KANSL1: variants seen among roughly 807,000 people sequenced by gnomAD.
The protein encoded by KANSL1 is KAT8 regulatory NSL complex subunit 1.
In KANSL1, 22 loss-of-function variants were observed where a neutral mutation model predicts 103.6. The observed-to-expected ratio is 0.21, with a 90% CI of 0.15 to 0.30. The LOEUF is 0.30. KANSL1 is among the 10% of genes least tolerant of loss of function. The pLI is 1.00. For missense variants in KANSL1, 1,337 were observed against 1,399.8 expected (o/e 0.96, Z 0.72); for synonymous variants, 600 against 527.6 (o/e 1.14, Z -1.88).
intron 2 of KANSL1, among the ~76,000 whole-genome samples, chr17:46,136,380 T>C (rs913347013): frequency 6.6e-6 from 1 of 152,240 alleles, no homozygotes; most frequent in African/African-American, 2.4e-5. Context: ...CATGCACATG[T>C]TCACATACCC....
At chr17:46,039,980 CCTGA>C in intron 7 of KANSL1, 96 bp from the exon 8 acceptor site, 10 of 1,133,804 alleles carry the variant, frequency 8.8e-6, no homozygotes, top group Non-Finnish European at 1.2e-5. Context: ...TGCCCAGTGG[CCTGA>C]CACTTGGCAG....
At chr17:46,219,699 C>T (rs1466768069) in intron 1 of KANSL1, among the ~76,000 whole-genome samples, 1 of 152,242 alleles carries the variant, frequency 6.6e-6, no homozygotes, top group Admixed American at 6.5e-5. Context: ...CTTTGCAGTT[C>T]AATACTAGAA....
At chr17:46,128,916 C>CTT (rs1202677825) in intron 2 of KANSL1, among the ~76,000 whole-genome samples, 1 of 152,200 alleles carries the variant, frequency 6.6e-6, no homozygotes, top group East Asian at 1.9e-4. Context: ...TGACCAGTAA[C>CTT]TTCAGAAGCA....
At chr17:46,073,129 A>T (rs1377272369) in intron 4 of KANSL1, among the ~76,000 whole-genome samples, 2 of 152,222 alleles carry the variant, frequency 1.3e-5, no homozygotes, top group African/African-American at 4.8e-5. Flanking sequence ...GCAAAACTTC[A>T]AAGAAAGGAA....
At chr17:46,142,323 A>C (rs926904802) in intron 2 of KANSL1, among the ~76,000 whole-genome samples, 2 of 152,236 alleles carry the variant, frequency 1.3e-5, no homozygotes, top group African/African-American at 4.8e-5. Flanking sequence ...AATCATAAAA[A>C]CATTACAACA....
At chr17:46,037,441 T>C (rs1359361897) in intron 10 of KANSL1, 4 of 152,178 alleles carry the variant, frequency 2.6e-5, no homozygotes, top group African/African-American at 9.7e-5. Flanking sequence ...GCCTAGTGAG[T>C]CCATTTTATG....
upstream of KANSL1, among the ~76,000 whole-genome samples, chr17:46,194,509 G>C (rs948478085): frequency 8.5e-5 from 13 of 152,160 alleles, no homozygotes; most frequent in Admixed American, 8.5e-4. Context: ...TAGACTTAAA[G>C]AATTCATAAA....
intron 4 of KANSL1, among the ~76,000 whole-genome samples, chr17:46,070,652 GAA>G (rs900084197): frequency 5.3e-5 from 8 of 152,088 alleles, no homozygotes; most frequent in African/African-American, 1.9e-4. Flanking sequence ...TGGTTTAGAT[GAA>G]AAAGTTTCCT....
intron 10 of KANSL1, 46 bp from the exon 11 acceptor site, chr17:46,034,331 A>G (rs890972590): frequency 1.2e-6 from 2 of 1,603,200 alleles, no homozygotes; most frequent in South Asian, 1.1e-5. Context: ...AATTTTACAG[A>G]CATCAAATCA....
At chr17:46,096,456 G>A (rs1439498310) in intron 2 of KANSL1, among the ~76,000 whole-genome samples, 1 of 151,698 alleles carries the variant, frequency 6.6e-6, no homozygotes, top group Non-Finnish European at 1.5e-5. Context: ...GAGCAGCTGG[G>A]ATTACAGGCA....
At chr17:46,175,666 AC>A (rs2046487353) in intron 1 of KANSL1, among the ~76,000 whole-genome samples, 1 of 152,104 alleles carries the variant, frequency 6.6e-6, no homozygotes, top group Admixed American at 6.6e-5. Flanking sequence ...AATTATTAAC[AC>A]CAAAAGTTTC....
At chr17:46,203,428 G>C (rs2147990092) in intron 1 of KANSL1, among the ~76,000 whole-genome samples, 2 of 152,242 alleles carry the variant, frequency 1.3e-5, no homozygotes, top group South Asian at 4.1e-4. Context: ...TCAATTTTCA[G>C]TAAAATAAGA....
At chr17:46,161,233 T>C (rs1164812452) in intron 2 of KANSL1, among the ~76,000 whole-genome samples, 1 of 115,184 alleles carries the variant, frequency 8.7e-6, no homozygotes, top group Non-Finnish European at 1.6e-5. Context: ...GCTAACATGA[T>C]GAAACCCCAC....
chr17:46,078,723 T>C (rs1476013211), intron 4 of KANSL1, among the ~76,000 whole-genome samples: 2 of 152,232 alleles, frequency 1.3e-5, no homozygotes, highest in African/African-American at 4.8e-5. Flanking sequence ...CTTGCCCTTC[T>C]TTGCTCATTA....
intron 2 of KANSL1, among the ~76,000 whole-genome samples, chr17:46,140,984 G>A (rs1043451082): frequency 3.5e-4 from 53 of 151,988 alleles, no homozygotes; most frequent in African/African-American, 1.3e-3. Flanking sequence ...TATACACAGG[G>A]CTACTTTATG....
At chr17:46,153,650 C>T (rs1199855663) in intron 2 of KANSL1, among the ~76,000 whole-genome samples, 1 of 152,064 alleles carries the variant, frequency 6.6e-6, no homozygotes, top group Non-Finnish European at 1.5e-5. Flanking sequence ...TTTCATGAAC[C>T]ATCAAAAGAC....
At chr17:46,071,928 T>TG (rs1477416973) in intron 4 of KANSL1, among the ~76,000 whole-genome samples, 2 of 152,200 alleles carry the variant, frequency 1.3e-5, no homozygotes, top group African/African-American at 4.8e-5. Flanking sequence ...GATTATCTTT[T>TG]GGAGTAATCT....
At chr17:46,150,948 CGAG>C (rs2045061138) in intron 2 of KANSL1, among the ~76,000 whole-genome samples, 1 of 143,796 alleles carries the variant, frequency 7.0e-6, no homozygotes, top group South Asian at 2.1e-4. Flanking sequence ...AAAAAAAACA[CGAG>C]TATCTTGTGT....
Position 46,161,250 on chromosome 17 carries a change from TAAAAAAAAAAAAAAA to T in KANSL1, c.1289+9590_1289+9604del, listed in dbSNP as rs534754110. On this transcript the variant is annotated intron_variant, in intron 2 of 14. Transcript: ENST00000432791. ...TAACATGATGAAACCCCACCTCTACTAAAAAAAAAAAAAAAAAAAAAAAAAAATACAAAAAATTAG... is the reference window on the plus strand; with the variant it reads ...TAACATGATGAAACCCCACCTCTACTAAAAAAAAAAAATACAAAAAATTAG... 3.0e-3 allele frequency among the ~76,000 whole-genome samples: 237 copies of T among 79,406 alleles called. 1 individual carries two copies. The highest frequency in any genetic ancestry group is 0.013 in the African/African-American group (228 of 17,164). 52.1% of individuals were successfully genotyped at this position (79,406 alleles called of 152,430 possible).
Sources: allele counts gnomAD v4.1 joint callset (sites outside exome capture counted in the v4.1 genomes callset), GRCh38; gene constraint gnomAD v4.1.1; transcripts MANE v1.5; gene names NCBI Gene and HGNC (gene_info 2026-07-23, HGNC 2026-07-21).